The following PCDHAC1 variants were observed in gnomAD, a reference collection of about 807,000 sequenced individuals.
PCDHAC1 encodes protocadherin alpha-C1.
Under a neutral mutation model 60.0 loss-of-function variants are expected in PCDHAC1, and 42 were observed. The ratio of observed to expected loss-of-function variants is 0.70; its 90% CI spans 0.55 to 0.90. The LOEUF is 0.90. PCDHAC1 is among the 40% of genes least tolerant of loss of function. The pLI, the probability that PCDHAC1 is intolerant of heterozygous loss-of-function variation, is 0.00. For synonymous variants in PCDHAC1, 468 were observed against 499.3 expected, an observed-to-expected ratio of 0.94 and a Z score of 0.84; for missense variants, 1,160 against 1,222.3, an observed-to-expected ratio of 0.95 and a Z score of 0.76.
At chr5:140,930,527 A>G (rs73793525) in intron 1 of PCDHAC1, 1 of 152,462 alleles carries the variant, frequency 6.6e-6, no homozygotes, top group Non-Finnish European at 1.5e-5. Context: ...CTGGCCCTCA[A>G]ACTTCTTGAG....
At chr5:140,969,765 G>T (rs1445266469) in intron 1 of PCDHAC1, among the ~76,000 whole-genome samples, 5 of 152,148 alleles carry the variant, frequency 3.3e-5, no homozygotes, top group Non-Finnish European at 7.3e-5. Flanking sequence ...AAGCTCTGAG[G>T]CCTCTAGGGG....
Position 140,926,819 on chromosome 5 carries a change from C to G in PCDHAC1, c.-74C>G. The G allele has an allele frequency of 6.7e-7, 1 of 1,493,950 alleles. No individual in the cohort carries two copies. The highest frequency in any genetic ancestry group is 8.9e-7 in the Non-Finnish European group (1 of 1,124,232). The allele number at this position is 1,493,950 out of a possible 1,614,324, so 92.5% of individuals were successfully genotyped here. A position where few individuals can be genotyped will look rare whatever the true frequency, so the allele number is the denominator to read the frequency against. ...TGCTCTTCCCCGCGGCTCGTGCTCT[C>G]CAGGAGTCCGGAGCATGGTCCTGGG... On this transcript the variant is annotated 5_prime_UTR_variant, in exon 1 of 4. Coordinates refer to ENST00000253807, the MANE Select transcript of PCDHAC1 (RefSeq NM_018898.5).
At chr5:140,961,252 C>T (rs1185090498) in intron 1 of PCDHAC1, among the ~76,000 whole-genome samples, 1 of 152,158 alleles carries the variant, frequency 6.6e-6, no homozygotes, top group African/African-American at 2.4e-5. Context: ...TTATCCGAAG[C>T]TCCAGGAAGC....
intron 1 of PCDHAC1, among the ~76,000 whole-genome samples, chr5:140,947,528 T>C (rs1175792550): frequency 6.6e-6 from 1 of 151,692 alleles, no homozygotes; most frequent in African/African-American, 2.4e-5. Context: ...GAATCAACTT[T>C]TCAATTTCTA....
At chr5:140,973,599 T>C (rs952944512) in intron 1 of PCDHAC1, among the ~76,000 whole-genome samples, 7 of 152,258 alleles carry the variant, frequency 4.6e-5, no homozygotes, top group African/African-American at 1.4e-4. Flanking sequence ...GATGGAATTA[T>C]GGCTGAGCTC....
intron 3 of PCDHAC1, among the ~76,000 whole-genome samples, chr5:141,007,036 A>G (rs1018909399): frequency 4.6e-5 from 7 of 152,200 alleles, no homozygotes; most frequent in African/African-American, 1.4e-4. Context: ...ATTTATATCT[A>G]TGGATATGGC....
Position 141,012,131 on chromosome 5 carries a change from G to A in PCDHAC1, c.*2194G>A, listed in dbSNP as rs1214098938. The A allele has an allele frequency of 1.3e-5, 2 of 153,688 alleles. No individual in the cohort carries two copies. The highest frequency in any genetic ancestry group is 2.9e-5 in the Non-Finnish European group (2 of 68,026). 9.5% of individuals were successfully genotyped at this position (153,688 alleles called of 1,614,324 possible). A position where few individuals can be genotyped will look rare whatever the true frequency, so the allele number is the denominator to read the frequency against. ...CTGAAGCCCATGTATCTGACCTTAC[G>A]TGCCTTTTGAACTAGGAGAATCGGG... On this transcript the variant is annotated 3_prime_UTR_variant, in exon 4 of 4. Transcript: ENST00000253807.
chr5:140,928,690 A>AT lies in PCDHAC1; in HGVS notation c.1799dup (p.Ser601LeufsTer5), dbSNP rs2085447249. On this transcript the variant is annotated frameshift_variant, in exon 1 of 4. Transcript: ENST00000253807. LOFTEE classifies it high-confidence loss of function. ...TTCTAATGCCTGGCTTTCCTACCAC[A>AT]TCTCCCGGGCGTCTGACTCTAGTCT... 6 of 1,614,180 alleles carry AT rather than the reference A, an allele frequency of 3.7e-6. No homozygotes were observed. The African/African-American group carries it at 4.0e-5, about 11-fold the overall frequency.
At chr5:140,978,726 T>C (rs1453953300) in intron 1 of PCDHAC1, among the ~76,000 whole-genome samples, 2 of 152,250 alleles carry the variant, frequency 1.3e-5, no homozygotes, top group African/African-American at 4.8e-5. Flanking sequence ...TTATTAAATC[T>C]GGTCTTCCAG....
chr5:140,993,071 G>A (rs1301535845), intron 3 of PCDHAC1, among the ~76,000 whole-genome samples: 9 of 152,222 alleles, frequency 5.9e-5, no homozygotes, highest in African/African-American at 2.2e-4. Flanking sequence ...TGTTCCTGCA[G>A]TCTGCAATCA....
intron 3 of PCDHAC1, among the ~76,000 whole-genome samples, chr5:140,995,529 C>T (rs1191657600): frequency 6.6e-6 from 1 of 152,078 alleles, no homozygotes. Context: ...GAAATCAAAC[C>T]TCAAATAAGG....
rs1195696269 is a variant in PCDHAC1, at chr5:141,010,821, TTTG to T, written c.*890_*892del. ...AACCCCGACACCTCACCTTTCGCTG[TTTG>T]TTGTTTCATAGATTTATTTAAAAAA... is the stretch of plus-strand genomic sequence containing the variant. On this transcript the variant is annotated 3_prime_UTR_variant, in exon 4 of 4. Coordinates refer to ENST00000253807, the MANE Select transcript of PCDHAC1 (RefSeq NM_018898.5). 3 of 153,772 alleles carry T rather than the reference TTTG, an allele frequency of 2.0e-5. No individual in the cohort carries two copies. The highest frequency in any genetic ancestry group is 4.4e-5 in the Non-Finnish European group (3 of 68,048). 9.5% of individuals were successfully genotyped at this position (153,772 alleles called of 1,614,324 possible).
chr5:140,967,226 C>T, intron 1 of PCDHAC1: 1 of 1,613,746 alleles, frequency 6.2e-7, no homozygotes, highest in Non-Finnish European at 8.5e-7. Flanking sequence ...GCCCAACTAC[C>T]AGCTTCAGGT....
intron 1 of PCDHAC1, chr5:140,969,383 C>T: frequency 6.3e-6 from 10 of 1,597,986 alleles, no homozygotes; most frequent in African/African-American, 1.3e-5. Context: ...TGTTACACAT[C>T]CCCCAATATC....
At chr5:140,962,220 T>A (rs1174731292) in intron 1 of PCDHAC1, among the ~76,000 whole-genome samples, 2 of 152,186 alleles carry the variant, frequency 1.3e-5, no homozygotes, top group African/African-American at 4.8e-5. Flanking sequence ...GATCTTGAGG[T>A]TCAAGTTTCA....
chr5:140,993,266 T>G (rs1049781348), intron 3 of PCDHAC1, among the ~76,000 whole-genome samples: 1 of 152,182 alleles, frequency 6.6e-6, no homozygotes, highest in Non-Finnish European at 1.5e-5. Flanking sequence ...AATTAGCTTC[T>G]TTGGTCTTTT....
intron 3 of PCDHAC1, among the ~76,000 whole-genome samples, chr5:141,006,429 G>A (rs541690957): frequency 1.3e-5 from 2 of 152,004 alleles, no homozygotes; most frequent in South Asian, 4.2e-4. Context: ...TAGCCAGGAT[G>A]GTCTCAATCT....
Position 141,011,633 on chromosome 5 carries a change from G to C in PCDHAC1, c.*1696G>C, listed in dbSNP as rs988824031. On this transcript the variant is annotated 3_prime_UTR_variant, in exon 4 of 4. Coordinates refer to ENST00000253807, the MANE Select transcript of PCDHAC1 (RefSeq NM_018898.5). ...TTATGGTCCAGCCAAGAGCCATCTC[G>C]TGCCAAGACTTCTGCTGGCAAGGGA... 6.5e-6 allele frequency: 1 copy of C among 153,624 alleles called. No homozygotes were observed. Among genetic ancestry groups the C allele is most frequent in the Non-Finnish European group, 1.5e-5 (1 of 68,022 alleles). 9.5% of individuals were successfully genotyped at this position (153,624 alleles called of 1,614,324 possible). A position where few individuals can be genotyped will look rare whatever the true frequency, so the allele number is the denominator to read the frequency against.
chr5:141,007,366 CATG>C (rs1319534619), intron 3 of PCDHAC1, among the ~76,000 whole-genome samples: 13 of 118,904 alleles, frequency 1.1e-4, no homozygotes, highest in Admixed American at 7.7e-4. Flanking sequence ...GCCTGGGCAA[CATG>C]ATGGAACACC....
Sources: gnomAD v4.1 joint callset for allele counts (sites outside exome capture counted in the v4.1 genomes callset) on GRCh38, gnomAD v4.1.1 for gene constraint, MANE v1.5 for transcripts, NCBI Gene and HGNC (gene_info 2026-07-23, HGNC 2026-07-21) for gene names.